TRIM9: variants seen among roughly 807,000 people sequenced by gnomAD.
TRIM9 encodes tripartite motif containing 9.
A neutral mutation model predicts 78.3 loss-of-function variants in TRIM9; 26 were observed. That is an observed-to-expected ratio of 0.33 (90% CI 0.24 to 0.46). The LOEUF is 0.46. TRIM9 is among the 20% of genes least tolerant of loss of function. The probability of loss-of-function intolerance (pLI) is 1.00; values close to 1 mark genes in which losing one functional copy is unlikely to be tolerated. For synonymous variants in TRIM9, 398 were observed against 416.5 expected (o/e 0.96, Z 0.54); for missense variants, 787 against 1,036.4 (o/e 0.76, Z 3.30).
intron 1 of TRIM9, among the ~76,000 whole-genome samples, chr14:51,072,929 C>A (rs1002841859): frequency 6.6e-6 from 1 of 152,092 alleles, no homozygotes; most frequent in Non-Finnish European, 1.5e-5. Context: ...TGATTAGTAC[C>A]TCTGGCTCTC....
In TRIM9 at chr14:50,977,193, C is replaced by G; in HGVS notation, c.*98G>C. ...CTTTTCTCTCCTCCTTCTCCCACTC[C>G]TGCCAACTCTGCACCCCACCACGGC... On this transcript the variant is annotated 3_prime_UTR_variant, in exon 13 of 13. Transcript: ENST00000684578. The G allele has an allele frequency of 9.8e-7, 1 of 1,015,738 alleles. No individual in the cohort carries two copies. Among genetic ancestry groups the G allele is most frequent in the Non-Finnish European group, 1.3e-6 (1 of 741,400 alleles). The allele number at this position is 1,015,738 out of a possible 1,614,324, so 62.9% of individuals were successfully genotyped here. A position where few individuals can be genotyped will look rare whatever the true frequency, so the allele number is the denominator to read the frequency against.
intron 1 of TRIM9, among the ~76,000 whole-genome samples, chr14:51,060,669 G>A (rs1054879652): frequency 2.6e-5 from 4 of 152,064 alleles, no homozygotes; most frequent in African/African-American, 4.8e-5. Context: ...GGGTTTCGCC[G>A]TGTTAGCCAG....
In TRIM9 at chr14:50,983,414, A is replaced by C. The variant is rs1004022225; in HGVS notation, c.1800T>G (p.Asn600Lys). 2 of 1,543,442 alleles carry C rather than the reference A, an allele frequency of 1.3e-6. No individual in the cohort carries two copies. The highest frequency in any genetic ancestry group is 2.7e-5 in the African/African-American group (2 of 72,962). ...SLQSLNAPGC[N>K]FETQSAPYSQ... ...AGTAAGGTGCAGATTGTGTCTCAAA[A>C]TTGCATCCTATAAAGAGATACTACA... Residue 600 changes from asparagine to lysine, a missense_variant, in exon 9 of 13, where the codon AAT becomes AAG. Physicochemically the swap from Asn to Lys is moderately conservative, Grantham distance 94. This residue lies in a region of TRIM9 where 421 missense variants were observed against 514.3 expected (regional missense o/e 0.82). Transcript: ENST00000684578.
chr14:51,091,232 A>T (rs1434512132), intron 1 of TRIM9: 1 of 152,198 alleles, frequency 6.6e-6, no homozygotes, highest in Non-Finnish European at 1.5e-5. Context: ...AAAACTAGTG[A>T]ATTTCAACCA....
At chr14:51,032,466 C>G (rs2058814539) in intron 1 of TRIM9, among the ~76,000 whole-genome samples, 1 of 152,244 alleles carries the variant, frequency 6.6e-6, no homozygotes, top group Non-Finnish European at 1.5e-5. Context: ...AAGCTATGTC[C>G]CCTTCTGGGG....
chr14:51,060,497 T>TAATA (rs1245909403), intron 1 of TRIM9, among the ~76,000 whole-genome samples: 2 of 152,146 alleles, frequency 1.3e-5, no homozygotes, highest in Admixed American at 1.3e-4. Flanking sequence ...GACAGAATCT[T>TAATA]GCTCTGTCGC....
At chr14:51,005,463 G>A (rs1311554571) in intron 5 of TRIM9, among the ~76,000 whole-genome samples, 2 of 152,196 alleles carry the variant, frequency 1.3e-5, no homozygotes, top group Non-Finnish European at 2.9e-5. Context: ...TCAGTACCAT[G>A]ACTCATGAAT....
intron 1 of TRIM9, among the ~76,000 whole-genome samples, chr14:51,041,416 C>A (rs1345669879): frequency 6.6e-6 from 1 of 152,260 alleles, no homozygotes; most frequent in Admixed American, 6.5e-5. Flanking sequence ...TGAGCTGCAG[C>A]CCACTCTGCT....
intron 2 of TRIM9, 130 bp from the exon 3 acceptor site, chr14:51,023,087 T>A (rs1036032723): frequency 7.6e-5 from 94 of 1,244,680 alleles, no homozygotes; most frequent in Middle Eastern, 1.9e-4. Context: ...TTGGTAATTT[T>A]AAAAAAATAA....
chr14:51,016,032 T>G (rs1454959956), intron 3 of TRIM9, among the ~76,000 whole-genome samples: 1 of 152,194 alleles, frequency 6.6e-6, no homozygotes, highest in Non-Finnish European at 1.5e-5. Context: ...CCTCAGTATC[T>G]GTGGGGGATT....
At chr14:51,005,015 T>C (rs1488708559) in intron 5 of TRIM9, among the ~76,000 whole-genome samples, 1 of 152,226 alleles carries the variant, frequency 6.6e-6, no homozygotes, top group Non-Finnish European at 1.5e-5. Flanking sequence ...TTCCCCTTTA[T>C]GGTGGCTGAA....
In TRIM9 at chr14:51,015,386, A is replaced by G. The variant is rs544994600; in HGVS notation, c.1042-4892T>C. On this transcript the variant is annotated intron_variant, in intron 3 of 12. Transcript: ENST00000684578. ...GTTAATTAGGAGAATTTCATGCTTAACCCAACCATGACCTTGACACCTTCC... is the reference window on the plus strand; with the variant it reads ...GTTAATTAGGAGAATTTCATGCTTAGCCCAACCATGACCTTGACACCTTCC... 3.3e-5 allele frequency among the ~76,000 whole-genome samples: 5 copies of G among 151,848 alleles called. No homozygotes were observed. In the East Asian group the frequency reaches 9.6e-4, roughly 29 times the overall value.
rs974263086 is a variant in TRIM9, at chr14:51,036,143, C to G, written c.823-10783G>C. On this transcript the variant is annotated intron_variant, in intron 1 of 12. Transcript: ENST00000684578. ...TGCCCCGAGGCAAAAAGTGGCTCTT[C>G]CACCTCATTGCAGTGAAAACCTGCC... Among the ~76,000 whole-genome samples, 5 of 152,170 alleles carry G rather than the reference C, an allele frequency of 3.3e-5. 1 individual carries two copies. Among genetic ancestry groups the G allele is most frequent in the Non-Finnish European group, 1.5e-5 (1 of 68,038 alleles).
chr14:51,075,126 T>G (rs1018994791), intron 1 of TRIM9, among the ~76,000 whole-genome samples: 2 of 152,158 alleles, frequency 1.3e-5, no homozygotes, highest in African/African-American at 2.4e-5. Flanking sequence ...ATTCTTATTT[T>G]ATACACGAGA....
chr14:50,983,155 A>C (rs1292807509), intron 9 of TRIM9, among the ~76,000 whole-genome samples, 190 bp from the exon 10 acceptor site: 2 of 152,212 alleles, frequency 1.3e-5, no homozygotes, highest in Non-Finnish European at 2.9e-5. Context: ...AGTGCTTTGC[A>C]CTGATGTAAA....
chr14:51,093,979 G>T (rs998413766), intron 1 of TRIM9, 139 bp downstream of exon 1: 8 of 797,894 alleles, frequency 1.0e-5, no homozygotes, highest in Non-Finnish European at 1.6e-5. Context: ...CAATGCACCA[G>T]ACCAGGGAGG....
At chr14:50,997,880 A>G in intron 7 of TRIM9, 170 bp downstream of exon 7, 1 of 1,447,446 alleles carries the variant, frequency 6.9e-7, no homozygotes, top group East Asian at 2.5e-5. Context: ...ACATCCACAT[A>G]CCATAGGCTC....
At chr14:51,024,826 GA>G (rs1566589895) in intron 2 of TRIM9, among the ~76,000 whole-genome samples, 3 of 151,338 alleles carry the variant, frequency 2.0e-5, no homozygotes, top group South Asian at 4.2e-4. Flanking sequence ...GAATGAAAAA[GA>G]AAAAAAGGAA....
At chr14:51,052,604 T>A (rs1308445295) in intron 1 of TRIM9, among the ~76,000 whole-genome samples, 1 of 152,232 alleles carries the variant, frequency 6.6e-6, no homozygotes, top group Non-Finnish European at 1.5e-5. Context: ...TTCAATGATA[T>A]GAGCCTCTGA....
Sources: gnomAD v4.1 joint callset for allele counts (sites outside exome capture counted in the v4.1 genomes callset) on GRCh38, gnomAD v4.1.1 for gene constraint, gnomAD v4.1.1 regional missense constraint, MANE v1.5 for transcripts, NCBI Gene and HGNC (gene_info 2026-07-23, HGNC 2026-07-21) for gene names.